Variants in HPSE observed in about 807,000 individuals in gnomAD.
The protein encoded by HPSE is heparanase.
In HPSE, 48 loss-of-function variants were observed where a neutral mutation model predicts 65.1. That is an observed-to-expected ratio of 0.74 (90% CI 0.58 to 0.94). The LOEUF (loss-of-function observed/expected upper bound fraction) is 0.94, where lower values mean the gene tolerates loss of function less well. HPSE is among the 40% of genes least tolerant of loss of function. The pLI is 0.00. For missense variants in HPSE, 644 were observed against 637.5 expected, an observed-to-expected ratio of 1.01 and a Z score of -0.11; for synonymous variants, 243 against 260.0, an observed-to-expected ratio of 0.93 and a Z score of 0.63.
At chr4:83,302,367 G>T in intron 9 of HPSE, 99 bp from the exon 10 acceptor site, 4 of 724,372 alleles carry the variant, frequency 5.5e-6, no homozygotes, top group Middle Eastern at 2.5e-4. Context: ...CCTACAAAGA[G>T]TATCACTGTT....
In HPSE at chr4:83,313,234, T is replaced by C. The variant is rs143387295; in HGVS notation, c.553A>G (p.Ile185Val). The C allele has an allele frequency of 1.9e-6, 3 of 1,613,826 alleles. No homozygotes were observed. Among genetic ancestry groups the C allele is most frequent in the African/African-American group, 2.7e-5 (2 of 74,858 alleles). ...TFANCSGLDL[I>V]FGLNALLRTA... is the part of the protein sequence containing the mutation. ...CTTAATAACGCATTTAGGCCAAAGA[T>C]CAAGTCCAGTCCTGAGCAGTTTGCA... Residue 185 changes from isoleucine to valine, a missense_variant, in exon 4 of 12, where the codon ATC becomes GTC. By Grantham distance (29) the Ile-to-Val change is conservative. Transcript: ENST00000311412.
chr4:83,322,623 G>A (rs1299895541), intron 1 of HPSE, among the ~76,000 whole-genome samples: 1 of 151,928 alleles, frequency 6.6e-6, no homozygotes, highest in Non-Finnish European at 1.5e-5. Context: ...CTGGGTAGCT[G>A]AGATTACAGG....
rs374539263 is a variant in HPSE at position 83,308,951 on chromosome 4, C to A, written c.985G>T (p.Val329Leu). 29 of 1,613,266 alleles carry A rather than the reference C, an allele frequency of 1.8e-5. No individual in the cohort carries two copies. In the East Asian group the frequency reaches 2.5e-4, roughly 14 times the overall value. The change falls in exon 8 of 12, where the codon GTG becomes TTG. Residue 329 changes from valine (V) to leucine (L), a missense_variant and splice_region_variant. Physicochemically the swap from Val to Leu is conservative, Grantham distance 32. Transcript: ENST00000311412. The stretch of plus-strand genomic sequence containing the variant: ...TTGCCAGGCCTGGTGCTCTCAACCA[C>A]CTATAGAACAGAAAAGTATCCATGG... ...FISSVQKVFQ[V>L]VESTRPGKKV...
chr4:83,299,611 C>G (rs892979483), intron 11 of HPSE, among the ~76,000 whole-genome samples: 9 of 152,136 alleles, frequency 5.9e-5, no homozygotes, highest in Non-Finnish European at 1.3e-4. Context: ...TGTACTGCCT[C>G]AGGTTCCGAG....
chr4:83,322,411 A>G (rs771915691), intron 1 of HPSE, 47 bp from the exon 2 acceptor site: 3 of 1,508,996 alleles, frequency 2.0e-6, no homozygotes, highest in South Asian at 2.5e-5. Context: ...TTCCAAGACA[A>G]TCTAGTCAAA....
At chr4:83,308,199 C>A (rs4410520) in intron 8 of HPSE, among the ~76,000 whole-genome samples, 1 of 151,538 alleles carries the variant, frequency 6.6e-6, no homozygotes, top group Non-Finnish European at 1.5e-5. Context: ...CTTGAGCTCA[C>A]GGGTTTCAGA....
chr4:83,321,847 T>C (rs1293347234), intron 2 of HPSE, among the ~76,000 whole-genome samples: 3 of 152,156 alleles, frequency 2.0e-5, no homozygotes, highest in East Asian at 3.8e-4. Flanking sequence ...CAATCTATCA[T>C]TGTGTCTTTG....
intron 3 of HPSE, among the ~76,000 whole-genome samples, chr4:83,315,358 G>C (rs1420084506): frequency 1.3e-5 from 2 of 152,036 alleles, no homozygotes; most frequent in Admixed American, 1.3e-4. Flanking sequence ...CTGGATCTTA[G>C]AGCCACAGTT....
intron 1 of HPSE, among the ~76,000 whole-genome samples, chr4:83,327,212 G>A (rs72613134): frequency 6.6e-5 from 10 of 152,070 alleles, no homozygotes; most frequent in South Asian, 2.1e-4. Flanking sequence ...AGCAAGGCCC[G>A]CCTGATGTAA....
intron 3 of HPSE, 86 bp downstream of exon 3, chr4:83,319,258 T>C (rs1736776563): frequency 7.5e-7 from 1 of 1,336,774 alleles, no homozygotes; most frequent in Admixed American, 2.0e-5. Flanking sequence ...ACAACTTCCG[T>C]AGGACTTGCT....
Position 83,295,156 on chromosome 4 carries a change from T to C in HPSE, c.*188A>G. Reference sequence around the variant, plus strand: ...ATTTGGAACAAGGTATTATTAGCTATTATTATTAGCAGTGTTCTACCTAGC... The same window carrying C: ...ATTTGGAACAAGGTATTATTAGCTACTATTATTAGCAGTGTTCTACCTAGC... On this transcript the variant is annotated 3_prime_UTR_variant, in exon 12 of 12. Transcript: ENST00000311412. The C allele has an allele frequency of 2.7e-6, 1 of 370,474 alleles. No individual in the cohort carries two copies. The highest frequency in any genetic ancestry group is 4.8e-6 in the Non-Finnish European group (1 of 207,460). 22.9% of individuals were successfully genotyped at this position (370,474 alleles called of 1,614,324 possible). A position where few individuals can be genotyped will look rare whatever the true frequency, so the allele number is the denominator to read the frequency against.
intron 3 of HPSE, among the ~76,000 whole-genome samples, chr4:83,317,198 C>T (rs1048701023): frequency 2.0e-5 from 3 of 152,224 alleles, no homozygotes; most frequent in Admixed American, 1.3e-4. Context: ...AGCACCCAGC[C>T]TGGGACATGT....
At chr4:83,304,767 T>C (rs530904741) in intron 9 of HPSE, among the ~76,000 whole-genome samples, 3 of 152,170 alleles carry the variant, frequency 2.0e-5, no homozygotes, top group Non-Finnish European at 4.4e-5. Context: ...ATGGCTTTTG[T>C]TTCTCTGCTT....
At chr4:83,302,009 A>C in intron 10 of HPSE, 141 bp downstream of exon 10, 1 of 504,432 alleles carries the variant, frequency 2.0e-6, no homozygotes, top group South Asian at 3.7e-5. Context: ...AAATAAAATA[A>C]AATCGTTGTA....
At chr4:83,322,462 C>A (rs1736948798) in intron 1 of HPSE, 98 bp from the exon 2 acceptor site, 18 of 990,328 alleles carry the variant, frequency 1.8e-5, no homozygotes, top group Non-Finnish European at 2.6e-5. Flanking sequence ...TATTTCTTAA[C>A]ATTTCCCTGT....
intron 1 of HPSE, among the ~76,000 whole-genome samples, chr4:83,322,845 G>A (rs958152531): frequency 5.1e-4 from 76 of 149,286 alleles, no homozygotes; most frequent in Non-Finnish European, 8.9e-4. Flanking sequence ...GTGTTTGTGT[G>A]TGGAGGGATG....
chr4:83,325,074 C>T (rs1406149623), intron 1 of HPSE, among the ~76,000 whole-genome samples: 1 of 150,818 alleles, frequency 6.6e-6, no homozygotes, highest in Non-Finnish European at 1.5e-5. Context: ...TCATTACTTT[C>T]CTGTATTTTA....
intron 10 of HPSE, among the ~76,000 whole-genome samples, chr4:83,301,313 C>T (rs770183061): frequency 1.3e-5 from 2 of 152,050 alleles, no homozygotes; most frequent in Non-Finnish European, 2.9e-5. Context: ...ATTTTGAAAA[C>T]ACAATTAAAA....
rs1735980385 is a variant in HPSE, at chr4:83,302,263, A to G, written c.1212T>C (p.Tyr404=). The G allele has an allele frequency of 3.1e-6, 5 of 1,605,398 alleles. No individual in the cohort carries two copies. The Admixed American group carries it at 5.0e-5, about 16-fold the overall frequency. Residue 404 remains tyrosine, a synonymous_variant, in exon 10 of 12, where the codon TAT becomes TAC. Coordinates refer to ENST00000311412, the MANE Select transcript of HPSE (RefSeq NM_001098540.3). ...ATTTCTTGAACAGAAGAGATAGCCA[A>G]TAATCCTAGTTGTGGTGGTTGGGGA... ...VDENFDPLPD[Y]WLSLLFKKLV...
Sources: allele counts gnomAD v4.1 joint callset (sites outside exome capture counted in the v4.1 genomes callset), GRCh38; gene constraint gnomAD v4.1.1; transcripts MANE v1.5; gene names NCBI Gene and HGNC (gene_info 2026-07-23, HGNC 2026-07-21).